The following ZFHX3 variants were observed in gnomAD, a reference collection of about 807,000 sequenced individuals.
ZFHX3 encodes the protein zinc finger homeobox 3.
Under a neutral mutation model 279.1 loss-of-function variants are expected in ZFHX3, and 42 were observed. The observed-to-expected ratio is 0.15, with a 90% confidence interval of 0.12 to 0.19. ZFHX3 has a LOEUF of 0.19. ZFHX3 is among the 10% of genes least tolerant of loss of function. The probability of loss-of-function intolerance (pLI) is 1.00; values close to 1 mark genes in which losing one functional copy is unlikely to be tolerated. For missense variants in ZFHX3, 4,981 were observed against 4,754.0 expected, an observed-to-expected ratio of 1.05 and a Z score of -1.40; for synonymous variants, 2,293 against 1,957.8, an observed-to-expected ratio of 1.17 and a Z score of -4.52.
chr16:73,622,329 C>A (rs966711123), intron 2 of ZFHX3, among the ~76,000 whole-genome samples: 5 of 152,096 alleles, frequency 3.3e-5, no homozygotes, highest in African/African-American at 1.2e-4. Context: ...GAGGCTCAGG[C>A]GGGTGGATCA....
At chr16:73,735,105 G>A (rs1240374286) in intron 1 of ZFHX3, among the ~76,000 whole-genome samples, 2 of 152,058 alleles carry the variant, frequency 1.3e-5, no homozygotes, top group Non-Finnish European at 2.9e-5. Flanking sequence ...CAGTTCAGAA[G>A]CATTAAGCAC....
At chr16:72,906,872 G>A (rs2039188185) in intron 3 of ZFHX3, among the ~76,000 whole-genome samples, 2 of 152,182 alleles carry the variant, frequency 1.3e-5, no homozygotes, top group Non-Finnish European at 2.9e-5. Flanking sequence ...TTGGGGAGGA[G>A]CAAAGGAGGT....
intron 1 of ZFHX3, among the ~76,000 whole-genome samples, chr16:73,831,754 T>G (rs1961002831): frequency 6.6e-6 from 1 of 152,092 alleles, no homozygotes; most frequent in Admixed American, 6.5e-5. Flanking sequence ...AAGAAGGAAC[T>G]AAGAGGAGAT....
intron 3 of ZFHX3, among the ~76,000 whole-genome samples, chr16:73,430,266 C>T (rs1346312805): frequency 6.6e-6 from 1 of 152,038 alleles, no homozygotes; most frequent in Non-Finnish European, 1.5e-5. Flanking sequence ...ATGCCCAGTG[C>T]CATTTGCATT....
intron 1 of ZFHX3, among the ~76,000 whole-genome samples, chr16:73,812,402 C>A (rs1039952130): frequency 6.6e-6 from 1 of 152,172 alleles, no homozygotes; most frequent in Non-Finnish European, 1.5e-5. Flanking sequence ...CCTATATTTA[C>A]CACAATGCAC....
At chr16:73,010,943 T>C (rs1006417464) in intron 1 of ZFHX3, among the ~76,000 whole-genome samples, 1 of 152,116 alleles carries the variant, frequency 6.6e-6, no homozygotes, top group African/African-American at 2.4e-5. Flanking sequence ...TAGCTAGGAC[T>C]ACAGGTGTGC....
intron 3 of ZFHX3, among the ~76,000 whole-genome samples, chr16:73,377,529 G>A (rs955489391): frequency 6.6e-6 from 1 of 152,014 alleles, no homozygotes; most frequent in Non-Finnish European, 1.5e-5. Flanking sequence ...AATGTGTAAA[G>A]ATGAGCACCA....
chr16:73,168,279 C>CTTTT (rs1555502322), intron 5 of ZFHX3, among the ~76,000 whole-genome samples: 20 of 143,736 alleles, frequency 1.4e-4, no homozygotes, highest in African/African-American at 5.3e-4. Context: ...TTCTTTCTTT[C>CTTTT]GAGACAAAGT....
intron 3 of ZFHX3, among the ~76,000 whole-genome samples, chr16:73,323,486 T>A (rs771888931): frequency 6.6e-6 from 1 of 151,228 alleles, no homozygotes; most frequent in East Asian, 1.9e-4. Context: ...AGAACAAGAG[T>A]GTGGAAGATA....
intron 1 of ZFHX3, among the ~76,000 whole-genome samples, chr16:73,023,099 T>G (rs149410001): frequency 6.6e-6 from 1 of 152,182 alleles, no homozygotes; most frequent in African/African-American, 2.4e-5. Context: ...TGGTGGCCCA[T>G]GCCTATGATT....
Position 72,797,972 on chromosome 16 carries a change from C to T in ZFHX3, c.4710G>A (p.Leu1570=), listed in dbSNP as rs2143460270. The T allele has an allele frequency of 6.2e-7, 1 of 1,614,186 alleles. No homozygotes were observed. The highest frequency in any genetic ancestry group is 8.5e-7 in the Non-Finnish European group (1 of 1,180,022). The part of the protein sequence containing the change: ...LLVHYNSVSH[L]HKLKRALQES... ...CTTGAAGGGCTCTCTTTAACTTATG[C>T]AGGTGGGAGACAGAATTGTAGTGTA... is the stretch of plus-strand genomic sequence containing the variant. The change falls in exon 9 of 10, where the codon CTG becomes CTA. Residue 1570 remains leucine (L), a synonymous_variant. Coordinates refer to ENST00000268489, the MANE Select transcript of ZFHX3 (RefSeq NM_006885.4).
chr16:73,088,988 G>T (rs187303841), intron 8 of ZFHX3, among the ~76,000 whole-genome samples: 2 of 152,128 alleles, frequency 1.3e-5, no homozygotes, highest in Non-Finnish European at 2.9e-5. Flanking sequence ...GGATTGGATG[G>T]GGCCTCTGCA....
intron 3 of ZFHX3, among the ~76,000 whole-genome samples, chr16:72,945,475 C>T (rs6499600): frequency 0.51 from 77,531 of 151,854 alleles, 20,567 homozygotes; most frequent in African/African-American, 0.64. Context: ...CATCAAGCCA[C>T]GGAAATGAAC....
intron 3 of ZFHX3, among the ~76,000 whole-genome samples, chr16:72,916,252 G>A (rs377681947): frequency 1.3e-5 from 2 of 152,168 alleles, no homozygotes; most frequent in Admixed American, 6.5e-5. Flanking sequence ...GGGAGATCAG[G>A]GACTATTAAA....
chr16:72,959,596 G>C lies in ZFHX3; in HGVS notation c.550C>G (p.Pro184Ala). 6.2e-7 allele frequency: 1 copy of C among 1,614,154 alleles called. No individual in the cohort carries two copies. Among genetic ancestry groups the C allele is most frequent in the South Asian group, 1.1e-5 (1 of 91,074 alleles). ...GGGTACACGGGTGCAGCACACGAAG[G>C]GTCCCCTTGCTTGCCCCCCGCGCCA... ...LPGAGGKQGDPSCAAPVYPQI... is the reference protein window; with the variant it reads ...LPGAGGKQGDASCAAPVYPQI... Residue 184 changes from proline (P) to alanine (A), a missense_variant, in exon 2 of 10, where the codon CCT (proline) becomes GCT (alanine). By Grantham distance (27) the Pro-to-Ala change is conservative. Around this residue, in one of 7 missense-constraint regions of ZFHX3, gnomAD observed 1,068 missense variants for 935.2 expected, o/e 1.14. Transcript: ENST00000268489.
intron 7 of ZFHX3, among the ~76,000 whole-genome samples, chr16:73,108,720 G>T (rs572620841): frequency 6.6e-6 from 1 of 152,180 alleles, no homozygotes; most frequent in African/African-American, 2.4e-5. Context: ...TCTCCACTGT[G>T]GTTCTAACAG....
chr16:72,952,854 C>T (rs1384117939), intron 2 of ZFHX3, among the ~76,000 whole-genome samples: 1 of 152,164 alleles, frequency 6.6e-6, no homozygotes, highest in East Asian at 1.9e-4. Flanking sequence ...TACGGTCAAG[C>T]AGAAGGCTGG....
chr16:73,304,188 G>C (rs112032798), intron 4 of ZFHX3, among the ~76,000 whole-genome samples: 337 of 152,164 alleles, frequency 2.2e-3, no homozygotes, highest in African/African-American at 7.9e-3. Flanking sequence ...GTGTGAGTCG[G>C]AATTTGTGCC....
chr16:72,934,400 C>T (rs1567591894), intron 3 of ZFHX3, among the ~76,000 whole-genome samples: 1 of 152,136 alleles, frequency 6.6e-6, no homozygotes, highest in Non-Finnish European at 1.5e-5. Flanking sequence ...TGCATTCCTG[C>T]CTGGGTGACA....
Sources: gnomAD v4.1 joint callset for allele counts (sites outside exome capture counted in the v4.1 genomes callset) on GRCh38, gnomAD v4.1.1 for gene constraint, gnomAD v4.1.1 regional missense constraint, MANE v1.5 for transcripts, NCBI Gene and HGNC (gene_info 2026-07-23, HGNC 2026-07-21) for gene names.